The following OSBP2 variants were observed in gnomAD, a reference collection of about 807,000 sequenced individuals.
OSBP2 encodes the protein oxysterol-binding protein 2.
In OSBP2, 66 loss-of-function variants were observed where a neutral mutation model predicts 96.0. The ratio of observed to expected loss-of-function variants is 0.69; its 90% confidence interval spans 0.56 to 0.84. The LOEUF (loss-of-function observed/expected upper bound fraction) is 0.84. Ranked by LOEUF, OSBP2 falls within the 40% of genes least tolerant of loss-of-function variation. The pLI, the probability that OSBP2 is intolerant of heterozygous loss-of-function variation, is 0.00. For synonymous variants in OSBP2, 525 were observed against 520.9 expected, an observed-to-expected ratio of 1.01 and a Z score of -0.11; for missense variants, 1,038 against 1,222.7, an observed-to-expected ratio of 0.85 and a Z score of 2.25.
chr22:30,859,324 TC>T (rs1432496743), intron 2 of OSBP2, among the ~76,000 whole-genome samples: 1 of 152,154 alleles, frequency 6.6e-6, no homozygotes, highest in Non-Finnish European at 1.5e-5. Context: ...TAGAACAAAG[TC>T]CCTCTTGCTC....
intron 2 of OSBP2, among the ~76,000 whole-genome samples, chr22:30,784,259 A>T (rs5753317): frequency 0.18 from 26,760 of 148,782 alleles, 2,573 homozygotes; most frequent in Middle Eastern, 0.22. Flanking sequence ...TTTATTTATT[A>T]ATTTATTTAT....
At chr22:30,820,646 T>C (rs1018069240) in intron 2 of OSBP2, among the ~76,000 whole-genome samples, 1 of 152,140 alleles carries the variant, frequency 6.6e-6, no homozygotes, top group Non-Finnish European at 1.5e-5. Flanking sequence ...AAGAGGGTGT[T>C]GGTGAAATTT....
chr22:30,814,328 C>T (rs776716639), intron 2 of OSBP2, among the ~76,000 whole-genome samples: 38 of 151,778 alleles, frequency 2.5e-4, no homozygotes, highest in Non-Finnish European at 5.3e-4. Flanking sequence ...CTTGCTATGT[C>T]CTCACATGGT....
chr22:30,806,621 G>C (rs2090931871), intron 2 of OSBP2, among the ~76,000 whole-genome samples: 1 of 152,176 alleles, frequency 6.6e-6, no homozygotes, highest in Non-Finnish European at 1.5e-5. Flanking sequence ...TTGGGGGGAG[G>C]AGAGAGATCT....
chr22:30,906,101 G>T, intron 13 of OSBP2, 32 bp downstream of exon 13: 1 of 1,597,950 alleles, frequency 6.3e-7, no homozygotes. Context: ...GCCCCGGAGG[G>T]GAGGAAAGGG....
chr22:30,753,188 A>T (rs765501583), intron 2 of OSBP2, among the ~76,000 whole-genome samples: 1 of 151,926 alleles, frequency 6.6e-6, no homozygotes, highest in Non-Finnish European at 1.5e-5. Flanking sequence ...TGGAAGGGAG[A>T]TTTGCATATG....
intron 2 of OSBP2, among the ~76,000 whole-genome samples, chr22:30,846,927 G>A: frequency 6.6e-6 from 1 of 151,838 alleles, no homozygotes; most frequent in Admixed American, 6.6e-5. Context: ...CTTTGGTTTA[G>A]GTCCTTGGTC....
intron 1 of OSBP2, among the ~76,000 whole-genome samples, chr22:30,740,157 G>A (rs1390350142): frequency 6.6e-6 from 1 of 151,876 alleles, no homozygotes; most frequent in Non-Finnish European, 1.5e-5. Context: ...GGGGAGCAGA[G>A]TTTTTAAGGA....
intron 2 of OSBP2, among the ~76,000 whole-genome samples, chr22:30,762,972 C>T (rs1168265553): frequency 6.6e-6 from 1 of 152,186 alleles, no homozygotes; most frequent in African/African-American, 2.4e-5. Flanking sequence ...TCAGTGGAAG[C>T]AGAGATGCTG....
chr22:30,773,941 G>A (rs2090392161), intron 2 of OSBP2, among the ~76,000 whole-genome samples: 1 of 152,218 alleles, frequency 6.6e-6, no homozygotes. Flanking sequence ...TCCAGCTGCT[G>A]CCATTTGTGT....
Position 30,723,824 on chromosome 22 carries a change from G to A in OSBP2, c.645-17337G>A, listed in dbSNP as rs934688960. On this transcript the variant is annotated intron_variant, in intron 1 of 13. Transcript: ENST00000332585. ...TACTCTCTCCCGACACAGGCATATC[G>A]TCCCCCGTTACCAACATCCCCATCA... 5.3e-5 allele frequency among the ~76,000 whole-genome samples: 8 copies of A among 152,050 alleles called. No homozygotes were observed. In the East Asian group the frequency reaches 1.2e-3, roughly 22 times the overall value.
intron 2 of OSBP2, among the ~76,000 whole-genome samples, chr22:30,772,744 C>G (rs1322041764): frequency 6.6e-6 from 1 of 152,144 alleles, no homozygotes; most frequent in Non-Finnish European, 1.5e-5. Flanking sequence ...GCCCCATGCC[C>G]TGTGAGGTGT....
intron 2 of OSBP2, among the ~76,000 whole-genome samples, chr22:30,780,710 C>A (rs1279019972): frequency 6.6e-6 from 1 of 152,082 alleles, no homozygotes; most frequent in Non-Finnish European, 1.5e-5. Context: ...GCTGGCCAGG[C>A]TGGTCTCGAA....
chr22:30,778,332 C>CA (rs1555912375), intron 2 of OSBP2, among the ~76,000 whole-genome samples: 1 of 151,452 alleles, frequency 6.6e-6, no homozygotes, highest in Non-Finnish European at 1.5e-5. Flanking sequence ...CACACACACA[C>CA]ACCCACTGAC....
chr22:30,826,495 C>T (rs1014251341), intron 2 of OSBP2, among the ~76,000 whole-genome samples: 2 of 152,198 alleles, frequency 1.3e-5, no homozygotes, highest in African/African-American at 4.8e-5. Flanking sequence ...CTAGTTCATC[C>T]TGAAGTTTCC....
chr22:30,760,387 G>A (rs1225997565), intron 2 of OSBP2, among the ~76,000 whole-genome samples: 4 of 152,142 alleles, frequency 2.6e-5, no homozygotes, highest in Non-Finnish European at 1.5e-5. Flanking sequence ...GAGCATAGAT[G>A]AAAACATCTT....
At chr22:30,822,757 G>C in intron 2 of OSBP2, 1 of 1,454,030 alleles carries the variant, frequency 6.9e-7, no homozygotes, top group Non-Finnish European at 9.3e-7. Flanking sequence ...GGCTCCCCGC[G>C]CATGCACGCC....
rs2039927499 is a variant in OSBP2 at position 30,890,690 on chromosome 22, C to T, written c.1624-38C>T. 2 of 1,602,618 alleles carry T rather than the reference C, an allele frequency of 1.2e-6. No individual in the cohort carries two copies. Among genetic ancestry groups the T allele is most frequent in the South Asian group, 2.2e-5 (2 of 90,986 alleles). ...GCAAGGGCACCATGCCAAGCCGGGG[C>T]TGGTGCCCAGCCTGACCACCCACCT... On this transcript the variant is annotated intron_variant, in intron 7 of 13. Coordinates refer to ENST00000332585, the MANE Select transcript of OSBP2 (RefSeq NM_030758.4). The surrounding 1 kb of genome is among the most constrained non-coding windows in gnomAD (Gnocchi z 4.4).
intron 2 of OSBP2, among the ~76,000 whole-genome samples, chr22:30,792,448 A>G (rs1229663701): frequency 6.6e-6 from 1 of 152,202 alleles, no homozygotes; most frequent in Non-Finnish European, 1.5e-5. Context: ...CTTCCTGTAA[A>G]TGCTTCCTGC....
Sources: gnomAD v4.1 joint callset for allele counts (sites outside exome capture counted in the v4.1 genomes callset) on GRCh38, gnomAD v4.1.1 for gene constraint, Gnocchi (gnomAD v3.1) non-coding constraint, MANE v1.5 for transcripts, NCBI Gene and HGNC (gene_info 2026-07-23, HGNC 2026-07-21) for gene names.